The following C1QTNF3 variants were observed in gnomAD, a reference collection of about 807,000 sequenced individuals.
The protein encoded by C1QTNF3 is C1q and TNF related 3.
A neutral mutation model predicts 32.6 loss-of-function variants in C1QTNF3; 26 were observed. That is an observed-to-expected ratio of 0.80 (90% CI 0.58 to 1.11). C1QTNF3 has a LOEUF of 1.11. Ranked by LOEUF, C1QTNF3 falls within the 50% of genes least tolerant of loss-of-function variation. C1QTNF3 has a pLI of 0.00. For missense variants in C1QTNF3, 362 were observed against 398.2 expected (o/e 0.91, Z 0.77); for synonymous variants, 155 against 146.0 (o/e 1.06, Z -0.44).
the C1QTNF3 span, among the ~76,000 whole-genome samples, chr5:34,107,705 A>G: frequency 1.3e-5 from 2 of 152,020 alleles, no homozygotes; most frequent in African/African-American, 4.8e-5. Flanking sequence ...AAATAATGCC[A>G]AAGAAACAGA....
the C1QTNF3 span, among the ~76,000 whole-genome samples, chr5:34,177,978 G>C: frequency 8.5e-5 from 13 of 152,056 alleles, no homozygotes; most frequent in African/African-American, 3.1e-4. Context: ...TAAGAATTCA[G>C]AACGGGGGCT....
the C1QTNF3 span, among the ~76,000 whole-genome samples, chr5:34,092,822 T>A: frequency 1.5e-4 from 23 of 152,080 alleles, no homozygotes; most frequent in South Asian, 4.4e-3. Flanking sequence ...TTTTCTCTCT[T>A]GATTTTCTCA....
chr5:34,229,388 T>A, the C1QTNF3 span, among the ~76,000 whole-genome samples: 1 of 152,108 alleles, frequency 6.6e-6, no homozygotes, highest in Non-Finnish European at 1.5e-5. Flanking sequence ...CCTTAATGAC[T>A]GCTACTGGAT....
chr5:34,146,574 A>G, the C1QTNF3 span, among the ~76,000 whole-genome samples: 1 of 152,204 alleles, frequency 6.6e-6, no homozygotes, highest in Non-Finnish European at 1.5e-5. Context: ...GGATAGGACT[A>G]CTTATTTAAT....
At chr5:34,210,384 T>G in the C1QTNF3 span, among the ~76,000 whole-genome samples, 4 of 152,068 alleles carry the variant, frequency 2.6e-5, no homozygotes, top group African/African-American at 9.6e-5. Flanking sequence ...GACAAGTTTA[T>G]TTATTTATTC....
the C1QTNF3 span, among the ~76,000 whole-genome samples, chr5:34,231,421 G>A: frequency 6.6e-6 from 1 of 152,184 alleles, no homozygotes; most frequent in African/African-American, 2.4e-5. Context: ...GTACATTCTA[G>A]AGAAATACTT....
chr5:34,049,077 A>C, the C1QTNF3 span, among the ~76,000 whole-genome samples: 2 of 152,232 alleles, frequency 1.3e-5, no homozygotes, highest in Non-Finnish European at 2.9e-5. Flanking sequence ...GTTTGCATCC[A>C]GTATACCTGG....
At chr5:34,164,688 T>A in the C1QTNF3 span, 2 of 152,110 alleles carry the variant, frequency 1.3e-5, no homozygotes, top group Non-Finnish European at 2.9e-5. Context: ...AGAGACAGAC[T>A]AACACCACAT....
chr5:34,058,643 G>A, the C1QTNF3 span, among the ~76,000 whole-genome samples: 2 of 152,166 alleles, frequency 1.3e-5, no homozygotes, highest in South Asian at 2.1e-4. Context: ...AGGCAGAAAT[G>A]TTACCTGGCA....
the C1QTNF3 span, among the ~76,000 whole-genome samples, chr5:34,053,185 GCT>G: frequency 2.6e-5 from 4 of 152,152 alleles, no homozygotes; most frequent in African/African-American, 9.7e-5. Flanking sequence ...TAATGGAGCT[GCT>G]CTGTCTTGCC....
chr5:34,088,975 CT>C, the C1QTNF3 span, among the ~76,000 whole-genome samples: 1 of 151,728 alleles, frequency 6.6e-6, no homozygotes. Context: ...TTCTGGAACA[CT>C]TTTATAGGTT....
chr5:34,173,028 C>T, the C1QTNF3 span, among the ~76,000 whole-genome samples: 3 of 152,080 alleles, frequency 2.0e-5, no homozygotes, highest in Admixed American at 1.3e-4. Context: ...AATCTAGATG[C>T]TCAGACTAGC....
chr5:34,092,961 A>G, the C1QTNF3 span, among the ~76,000 whole-genome samples: 2 of 151,814 alleles, frequency 1.3e-5, no homozygotes, highest in African/African-American at 4.8e-5. Flanking sequence ...AAATTTAGCA[A>G]TTCTTATTTG....
rs1362388330 is a variant in C1QTNF3, at chr5:34,019,128, A to AG, written c.*1454_*1455insC. On this transcript the variant is annotated 3_prime_UTR_variant, in exon 6 of 6. Transcript: ENST00000382065. The stretch of plus-strand genomic sequence containing the variant: ...GGGCAGCAGCGTGAAACTGTCTCAA[A>AG]AAAAAAAAAGATTTAGAATTTGCAA... Among the ~76,000 whole-genome samples, 1 of 151,844 alleles carries AG rather than the reference A, an allele frequency of 6.6e-6. No individual in the cohort carries two copies. The highest frequency in any genetic ancestry group is 1.5e-5 in the Non-Finnish European group (1 of 67,974).
chr5:34,162,178 T>C, the C1QTNF3 span, among the ~76,000 whole-genome samples: 1 of 152,142 alleles, frequency 6.6e-6, no homozygotes, highest in Non-Finnish European at 1.5e-5. Context: ...GAACCATGGT[T>C]CATGGTTCTG....
At chr5:34,144,880 A>G in the C1QTNF3 span, among the ~76,000 whole-genome samples, 477 of 152,310 alleles carry the variant, frequency 3.1e-3, 3 homozygotes, top group African/African-American at 0.011. Context: ...CTGTAACCCC[A>G]GCACTTTGGG....
At chr5:34,026,606 G>T (rs1754467258) in intron 4 of C1QTNF3, among the ~76,000 whole-genome samples, 1 of 152,014 alleles carries the variant, frequency 6.6e-6, no homozygotes, top group Non-Finnish European at 1.5e-5. Context: ...CAAGAAAAAC[G>T]CACATTAGGG....
At chr5:34,020,820 T>C (rs1754310855) in intron 5 of C1QTNF3, 78 bp from the exon 6 acceptor site, 1 of 1,431,600 alleles carries the variant, frequency 7.0e-7, no homozygotes, top group South Asian at 1.3e-5. Context: ...GTGCTCCCCT[T>C]CTCTCCTTCC....
At chr5:34,127,991 C>T in the C1QTNF3 span, among the ~76,000 whole-genome samples, 1 of 152,044 alleles carries the variant, frequency 6.6e-6, no homozygotes, top group Non-Finnish European at 1.5e-5. Flanking sequence ...GTCCTCAGGG[C>T]ATTTCAGAGA....
Sources: allele counts gnomAD v4.1 joint callset (sites outside exome capture counted in the v4.1 genomes callset), GRCh38; gene constraint gnomAD v4.1.1; transcripts MANE v1.5; gene names NCBI Gene and HGNC (gene_info 2026-07-23, HGNC 2026-07-21).